Variants in RDH10 observed in about 807,000 individuals in gnomAD.
RDH10 encodes the protein retinol dehydrogenase 10 (all-trans).
In RDH10, 12 loss-of-function variants were observed where a neutral mutation model predicts 30.2. The observed-to-expected ratio is 0.40, with a 90% CI of 0.25 to 0.64. The LOEUF is 0.64. RDH10 is among the 30% of genes least tolerant of loss of function. The pLI, the probability that RDH10 is intolerant of heterozygous loss-of-function variation, is 0.43. For synonymous variants in RDH10, 189 were observed against 172.2 expected, an observed-to-expected ratio of 1.10 and a Z score of -0.76; for missense variants, 268 against 445.2, an observed-to-expected ratio of 0.60 and a Z score of 3.58.
intron 2 of RDH10, among the ~76,000 whole-genome samples, chr8:73,304,968 G>T (rs951989858): frequency 3.9e-5 from 6 of 152,154 alleles, no homozygotes; most frequent in Non-Finnish European, 7.3e-5. Flanking sequence ...AGCAAAGTTG[G>T]TATTTGTTCT....
Position 73,322,730 on chromosome 8 carries a change from G to T in RDH10, c.822G>T (p.Lys274Asn), listed in dbSNP as rs1270578090. 4 of 1,613,734 alleles carry T rather than the reference G, an allele frequency of 2.5e-6. No homozygotes were observed. Among genetic ancestry groups the T allele is most frequent in the Non-Finnish European group, 2.5e-6 (3 of 1,179,634 alleles). The change falls in exon 5 of 6, where the codon AAG (lysine) becomes AAT (asparagine). Residue 274 changes from lysine to asparagine, a missense_variant. Physicochemically the swap from Lys to Asn is moderately conservative, Grantham distance 94. Around this residue, in one of 4 missense-constraint regions of RDH10, gnomAD observed 136 missense variants for 288.8 expected, o/e 0.47. Coordinates refer to ENST00000240285, the MANE Select transcript of RDH10 (RefSeq NM_172037.5). ...CTCTGAAGCCTGATTACTGTGTGAA[G>T]CAGGCCATGAAGGCCATCCTCACTG... ...LPPLKPDYCVKQAMKAILTDQ... is the reference protein window; with the variant it reads ...LPPLKPDYCVNQAMKAILTDQ...
chr8:73,323,254 T>C lies in RDH10; in HGVS notation c.*218T>C. ...TAGGTTGTTGCCAACAGGGTCCTTTTAGGCAGAACCCAGAAACCAGTCAAA... is the reference window on the plus strand; with the variant it reads ...TAGGTTGTTGCCAACAGGGTCCTTTCAGGCAGAACCCAGAAACCAGTCAAA... On this transcript the variant is annotated 3_prime_UTR_variant, in exon 6 of 6. Transcript: ENST00000240285. The C allele has an allele frequency of 2.4e-6, 1 of 419,834 alleles. No individual in the cohort carries two copies. Among genetic ancestry groups the C allele is most frequent in the South Asian group, 2.8e-5 (1 of 35,192 alleles). 26.0% of individuals were successfully genotyped at this position (419,834 alleles called of 1,614,324 possible). A position where few individuals can be genotyped will look rare whatever the true frequency, so the allele number is the denominator to read the frequency against.
intron 2 of RDH10, chr8:73,315,366 A>C (rs553764724): frequency 2.6e-5 from 6 of 231,276 alleles, no homozygotes; most frequent in Non-Finnish European, 4.5e-5. Flanking sequence ...CACAGGTGGA[A>C]GTGTGTCCCC....
intron 2 of RDH10, 173 bp downstream of exon 2, chr8:73,297,602 TCCCCGCCCACCC>T (rs928249621): frequency 1.1e-4 from 64 of 561,636 alleles, no homozygotes; most frequent in Non-Finnish European, 1.9e-4. Context: ...AGTCGTTTTG[TCCCCGCCCACCC>T]CCCCGCCACC....
At chr8:73,322,656 G>T (rs774885492) in intron 4 of RDH10, 23 bp from the exon 5 acceptor site, 1 of 1,591,848 alleles carries the variant, frequency 6.3e-7, no homozygotes, top group Non-Finnish European at 8.6e-7. Flanking sequence ...TTTTCATTTT[G>T]TTTTTGAATA....
intron 2 of RDH10, among the ~76,000 whole-genome samples, chr8:73,304,779 G>A (rs577353702): frequency 4.1e-4 from 62 of 152,216 alleles, no homozygotes; most frequent in African/African-American, 1.5e-3. Context: ...AAAAAAATCC[G>A]TCACTATTCC....
At position 73,319,189 on chromosome 8, in the gene RDH10, G is replaced by A. The variant is rs1272790543; in HGVS notation, c.619G>A (p.Val207Ile). 6.2e-7 allele frequency: 1 copy of A among 1,605,492 alleles called. No individual in the cohort carries two copies. The highest frequency in any genetic ancestry group is 1.3e-5 in the African/African-American group (1 of 74,852). The change falls in exon 3 of 6, where the codon GTT (valine) becomes ATT (isoleucine). Residue 207 changes from valine (V) to isoleucine (I), a missense_variant. By Grantham distance (29) the Val-to-Ile change is conservative. This residue lies in a region of RDH10 where 136 missense variants were observed against 288.8 expected (regional missense o/e 0.47). Coordinates refer to ENST00000240285, the MANE Select transcript of RDH10 (RefSeq NM_172037.5). Reference protein sequence around the residue: ...SSLGLFSTAGVEDYCASKFGV... With the variant: ...SSLGLFSTAGIEDYCASKFGV... The stretch of plus-strand genomic sequence containing the variant: ...CTTGGGATTGTTCAGTACTGCCGGA[G>A]TTGAGGTTTGTCAGATATATAGCAT...
chr8:73,315,663 G>A (rs1217441844), intron 2 of RDH10: 1 of 445,530 alleles, frequency 2.2e-6, no homozygotes, highest in African/African-American at 2.0e-5. Flanking sequence ...AACCTGCTAT[G>A]GTGTCTGAGT....
chr8:73,310,262 A>G (rs898834935), intron 2 of RDH10, among the ~76,000 whole-genome samples: 16 of 152,346 alleles, frequency 1.1e-4, no homozygotes, highest in African/African-American at 3.8e-4. Context: ...AGTGAATTCT[A>G]AGTTCTAACA....
At chr8:73,300,944 G>A (rs1177262129) in intron 2 of RDH10, among the ~76,000 whole-genome samples, 1 of 151,574 alleles carries the variant, frequency 6.6e-6, no homozygotes, top group African/African-American at 2.4e-5. Flanking sequence ...ATCTCTCACA[G>A]CATTTGTTAT....
chr8:73,314,565 A>G (rs1814627027), intron 2 of RDH10, among the ~76,000 whole-genome samples: 1 of 152,160 alleles, frequency 6.6e-6, no homozygotes, highest in Non-Finnish European at 1.5e-5. Context: ...AAGAAACCCG[A>G]GTGGTCCTGA....
Position 73,294,984 on chromosome 8 carries a change from G to A in RDH10, c.-306G>A. The stretch of plus-strand genomic sequence containing the variant: ...ACTCGCGGCTGTCACCGCCACTGCA[G>A]CGGAGCCGGCCGGCCGGGCGCTGCG... On this transcript the variant is annotated 5_prime_UTR_variant, in exon 1 of 6. Transcript: ENST00000240285. 1 of 387,178 alleles carries A rather than the reference G, an allele frequency of 2.6e-6. No homozygotes were observed. 24.0% of individuals were successfully genotyped at this position (387,178 alleles called of 1,614,324 possible). A position where few individuals can be genotyped will look rare whatever the true frequency, so the allele number is the denominator to read the frequency against.
At chr8:73,310,763 A>C (rs7845956) in intron 2 of RDH10, 1 of 152,294 alleles carries the variant, frequency 6.6e-6, no homozygotes, top group Admixed American at 6.5e-5. Flanking sequence ...GGAGATCATC[A>C]AACACTCGTT....
chr8:73,301,708 A>G (rs2130359239), intron 2 of RDH10, among the ~76,000 whole-genome samples: 1 of 152,320 alleles, frequency 6.6e-6, no homozygotes. Flanking sequence ...GTGAGCAGAC[A>G]TGGCGCCACT....
At chr8:73,297,104 G>T in intron 1 of RDH10, 90 bp from the exon 2 acceptor site, 2 of 765,554 alleles carry the variant, frequency 2.6e-6, no homozygotes, top group African/African-American at 3.4e-5. Context: ...TGTTTTGTGT[G>T]ATCTTTGTCC....
At chr8:73,300,328 A>C (rs942377600) in intron 2 of RDH10, 1 of 152,232 alleles carries the variant, frequency 6.6e-6, no homozygotes, top group Non-Finnish European at 1.5e-5. Flanking sequence ...AAGGAGTGTC[A>C]CAAGAGCCAC....
chr8:73,298,212 T>G (rs1814310331), intron 2 of RDH10, among the ~76,000 whole-genome samples: 1 of 152,204 alleles, frequency 6.6e-6, no homozygotes, highest in African/African-American at 2.4e-5. Context: ...GCTGACCCAC[T>G]TTATGCTCTT....
At chr8:73,317,409 T>C (rs909673537) in intron 2 of RDH10, among the ~76,000 whole-genome samples, 50 of 152,136 alleles carry the variant, frequency 3.3e-4, no homozygotes, top group African/African-American at 1.2e-3. Context: ...AGTTCATGGG[T>C]CAAATGCCAC....
chr8:73,311,114 G>A (rs530379965), intron 2 of RDH10: 1 of 152,284 alleles, frequency 6.6e-6, no homozygotes, highest in South Asian at 2.1e-4. Context: ...TATTCGGGGT[G>A]TGTGGTAGGA....
Sources: allele counts gnomAD v4.1 joint callset (sites outside exome capture counted in the v4.1 genomes callset), GRCh38; gene constraint gnomAD v4.1.1; regional missense constraint gnomAD v4.1.1; transcripts MANE v1.5; gene names NCBI Gene and HGNC (gene_info 2026-07-23, HGNC 2026-07-21).